HIVEP1: variants seen among roughly 807,000 people sequenced by gnomAD.
HIVEP1 encodes the protein HIVEP zinc finger 1.
A neutral mutation model predicts 180.0 loss-of-function variants in HIVEP1; 36 were observed. That is an observed-to-expected ratio of 0.20 (90% CI 0.15 to 0.26). HIVEP1 has a LOEUF of 0.26. Among genes scored for constraint, HIVEP1 ranks in the 10% least tolerant of loss-of-function variants. HIVEP1 has a pLI of 1.00. For missense variants in HIVEP1, 3,143 were observed against 3,268.7 expected, an observed-to-expected ratio of 0.96 and a Z score of 0.94; for synonymous variants, 1,239 against 1,239.0, an observed-to-expected ratio of 1.00 and a Z score of 0.00.
the HIVEP1 span, among the ~76,000 whole-genome samples, chr6:12,194,098 A>G: frequency 2.8e-3 from 426 of 152,344 alleles, 4 homozygotes; most frequent in African/African-American, 9.9e-3. Context: ...CAGAACAAAA[A>G]GAAGAGAATG....
chr6:12,064,893 G>A (rs946933908), intron 2 of HIVEP1, among the ~76,000 whole-genome samples: 11 of 152,152 alleles, frequency 7.2e-5, no homozygotes, highest in Admixed American at 2.0e-4. Context: ...GACATTTTCA[G>A]TATGTTCTTT....
chr6:12,030,745 C>T (rs918334528), intron 2 of HIVEP1, among the ~76,000 whole-genome samples: 1 of 152,168 alleles, frequency 6.6e-6, no homozygotes, highest in African/African-American at 2.4e-5. Context: ...ACTATGAAAT[C>T]TCATCCTATT....
intron 2 of HIVEP1, among the ~76,000 whole-genome samples, chr6:12,029,351 G>T (rs1348758709): frequency 1.3e-5 from 2 of 152,164 alleles, no homozygotes; most frequent in Non-Finnish European, 2.9e-5. Flanking sequence ...GTCTTTTGTG[G>T]ACAGCGTGTT....
Position 12,125,391 on chromosome 6 carries a change from T to C in HIVEP1, c.5596T>C (p.Ser1866Pro). The change falls in exon 4 of 9, where the codon TCA becomes CCA. Residue 1866 changes from serine to proline, a missense_variant. Ser to Pro is a moderately conservative substitution (Grantham distance 74). Around this residue, in one of 12 missense-constraint regions of HIVEP1, gnomAD observed 1,357 missense variants for 1,260.5 expected, o/e 1.08. Coordinates refer to ENST00000379388, the MANE Select transcript of HIVEP1 (RefSeq NM_002114.4). ...QEFENIKSST[S>P]LTLTVRSSPA... ...ATTTGAAAACATCAAGTCATCCACA[T>C]CATTAACTCTTACAGTTCGAAGTTC... The C allele has an allele frequency of 6.2e-7, 1 of 1,613,926 alleles. No homozygotes were observed. The highest frequency in any genetic ancestry group is 8.5e-7 in the Non-Finnish European group (1 of 1,179,854).
intron 7 of HIVEP1, among the ~76,000 whole-genome samples, chr6:12,139,637 A>G (rs1758901986): frequency 6.6e-6 from 1 of 152,194 alleles, no homozygotes; most frequent in African/African-American, 2.4e-5. Context: ...CTGCCCAAAT[A>G]CTGCACTTTT....
chr6:12,099,183 G>GGTTTTTTTTTTTTTTT (rs373744044), intron 3 of HIVEP1, among the ~76,000 whole-genome samples: 8 of 138,460 alleles, frequency 5.8e-5, no homozygotes, highest in African/African-American at 2.2e-4. Context: ...ATGTCACTGA[G>GGTTTTTTTTTTTTTTT]TTTTTTTTTT....
At chr6:12,056,925 C>T (rs565062725) in intron 2 of HIVEP1, among the ~76,000 whole-genome samples, 158 of 151,998 alleles carry the variant, frequency 1.0e-3, no homozygotes, top group African/African-American at 3.8e-3. Context: ...CAGTTTCTGC[C>T]TCCTGAGCTC....
At chr6:12,129,704 A>T in intron 4 of HIVEP1, 55 bp from the exon 5 acceptor site, 1 of 1,321,806 alleles carries the variant, frequency 7.6e-7, no homozygotes, top group Non-Finnish European at 1.1e-6. Flanking sequence ...GTGAAAGATT[A>T]GCATGCTTGT....
chr6:12,181,394 T>C, the HIVEP1 span, among the ~76,000 whole-genome samples: 5 of 151,502 alleles, frequency 3.3e-5, no homozygotes, highest in African/African-American at 9.7e-5. Flanking sequence ...AATAAATAAA[T>C]AAAAATTTTT....
chr6:12,136,088 A>G (rs1758689537), intron 7 of HIVEP1, among the ~76,000 whole-genome samples, 196 bp downstream of exon 7: 3 of 151,942 alleles, frequency 2.0e-5, no homozygotes. Context: ...ATCCCCCACG[A>G]TGTTCATCTT....
chr6:12,098,610 G>A (rs141693620), intron 3 of HIVEP1, among the ~76,000 whole-genome samples: 2 of 152,278 alleles, frequency 1.3e-5, no homozygotes. Flanking sequence ...TTTTGCCTAC[G>A]TAGAGATTTG....
At chr6:12,147,175 G>A (rs1029292993) in intron 7 of HIVEP1, among the ~76,000 whole-genome samples, 1 of 152,140 alleles carries the variant, frequency 6.6e-6, no homozygotes, top group Admixed American at 6.5e-5. Flanking sequence ...CTGTGCAGGG[G>A]AGTTTCAGCA....
intron 3 of HIVEP1, among the ~76,000 whole-genome samples, chr6:12,105,255 T>G (rs1774354386): frequency 6.6e-6 from 1 of 152,174 alleles, no homozygotes; most frequent in Non-Finnish European, 1.5e-5. Flanking sequence ...GCCCTTTAGG[T>G]TCTCAGCTGA....
At chr6:12,016,108 A>C (rs1191374879) in intron 2 of HIVEP1, among the ~76,000 whole-genome samples, 1 of 152,232 alleles carries the variant, frequency 6.6e-6, no homozygotes, top group African/African-American at 2.4e-5. Context: ...TAAGAAGTGA[A>C]GAGAATTGTA....
chr6:12,043,632 G>A (rs904514864), intron 2 of HIVEP1, among the ~76,000 whole-genome samples: 7 of 152,112 alleles, frequency 4.6e-5, no homozygotes, highest in African/African-American at 1.7e-4. Context: ...CTCCCAAAGT[G>A]CTGGGATTAC....
intron 2 of HIVEP1, among the ~76,000 whole-genome samples, chr6:12,042,688 T>C (rs1312641463): frequency 2.6e-5 from 4 of 152,128 alleles, no homozygotes; most frequent in African/African-American, 9.7e-5. Context: ...CTAAAGTTTC[T>C]TCTAATATTT....
chr6:12,168,178 A>ATATATACAGATATACGTGTATATCTATAT (rs1760792933), downstream of HIVEP1, among the ~76,000 whole-genome samples: 1 of 62,982 alleles, frequency 1.6e-5, no homozygotes, highest in Non-Finnish European at 3.0e-5. Flanking sequence ...TATCTATATT[A>ATATATACAGATATACGTGTATATCTATAT]TATATAGATA....
intron 7 of HIVEP1, among the ~76,000 whole-genome samples, chr6:12,149,190 A>G (rs1581786544): frequency 6.6e-6 from 1 of 152,216 alleles, no homozygotes; most frequent in East Asian, 1.9e-4. Flanking sequence ...CTTGATACTA[A>G]TAGGATATTT....
chr6:12,195,857 A>T, the HIVEP1 span, among the ~76,000 whole-genome samples: 1 of 152,244 alleles, frequency 6.6e-6, no homozygotes, highest in African/African-American at 2.4e-5. Flanking sequence ...GAATATATAA[A>T]GAAGTTTCTA....
Sources: gnomAD v4.1 joint callset for allele counts (sites outside exome capture counted in the v4.1 genomes callset) on GRCh38, gnomAD v4.1.1 for gene constraint, gnomAD v4.1.1 regional missense constraint, MANE v1.5 for transcripts, NCBI Gene and HGNC (gene_info 2026-07-23, HGNC 2026-07-21) for gene names.